PPP2R2B: variants seen among roughly 807,000 people sequenced by gnomAD.
PPP2R2B encodes protein phosphatase 2 regulatory subunit Bbeta.
PPP2R2B carries 5 observed loss-of-function variants against 46.0 expected under a neutral mutation model. The ratio of observed to expected loss-of-function variants is 0.11; its 90% CI spans 0.06 to 0.23. PPP2R2B has a LOEUF of 0.23. PPP2R2B is among the 10% of genes least tolerant of loss of function. The pLI is 1.00. For missense variants in PPP2R2B, 367 were observed against 575.0 expected (o/e 0.64, Z 3.70); for synonymous variants, 215 against 206.7 (o/e 1.04, Z -0.34).
chr5:146,589,777 T>G lies in PPP2R2B; in HGVS notation c.*170A>C. On this transcript the variant is annotated 3_prime_UTR_variant, in exon 10 of 10. Transcript: ENST00000394411. ...CCAAACCTATTGGGTTTGACAAAAG[T>G]TTCTTAGAACTGGGGAGCTGGGAAT... is the stretch of plus-strand genomic sequence containing the variant. 1 of 717,366 alleles carries G rather than the reference T, an allele frequency of 1.4e-6. No individual in the cohort carries two copies. The highest frequency in any genetic ancestry group is 2.3e-6 in the Non-Finnish European group (1 of 443,332). 44.4% of individuals were successfully genotyped at this position (717,366 alleles called of 1,614,324 possible). A position where few individuals can be genotyped will look rare whatever the true frequency, so the allele number is the denominator to read the frequency against.
At chr5:147,062,989 AGGGAGGG>A (rs778773184) in intron 2 of PPP2R2B, among the ~76,000 whole-genome samples, 1,958 of 65,158 alleles carry the variant, frequency 0.03, 146 homozygotes, top group Admixed American at 0.05. Flanking sequence ...GGAGGGAGGG[AGGGAGGG>A]AGGGGGGAAG....
chr5:146,772,409 T>C lies in PPP2R2B; in HGVS notation c.71-71267A>G, dbSNP rs1317430162. Among the ~76,000 whole-genome samples, 3 of 16,448 alleles carry C rather than the reference T, an allele frequency of 1.8e-4. No individual in the cohort carries two copies. In the Admixed American group the frequency reaches 2.9e-3, roughly 16 times the overall value. The allele number at this position is 16,448 out of a possible 152,430, so 10.8% of individuals were successfully genotyped here. ...ATATATATATATATATATATATATA[T>C]ATATATATATATATATATATATACT... On this transcript the variant is annotated intron_variant, in intron 2 of 9. Coordinates refer to ENST00000394411, the MANE Select transcript of PPP2R2B (RefSeq NM_181675.4).
intron 5 of PPP2R2B, among the ~76,000 whole-genome samples, chr5:146,672,593 A>T (rs463559): frequency 0.77 from 116,432 of 152,096 alleles, 45,992 homozygotes; most frequent in Non-Finnish European, 0.86. Flanking sequence ...ATCTATCCCA[A>T]CACAGAAAAC....
chr5:146,737,782 ATGT>A (rs913926325), intron 2 of PPP2R2B, among the ~76,000 whole-genome samples: 2 of 151,162 alleles, frequency 1.3e-5, no homozygotes, highest in Non-Finnish European at 2.9e-5. Flanking sequence ...GGTTTAACAA[ATGT>A]TGTTGGAGGC....
chr5:146,645,635 C>T (rs1013377714), intron 6 of PPP2R2B, among the ~76,000 whole-genome samples: 3 of 152,126 alleles, frequency 2.0e-5, no homozygotes, highest in African/African-American at 7.2e-5. Context: ...GCTACCTGGT[C>T]CCTTAATTAG....
chr5:146,715,922 A>G (rs1178698435), intron 2 of PPP2R2B, among the ~76,000 whole-genome samples: 1 of 151,988 alleles, frequency 6.6e-6, no homozygotes, highest in Non-Finnish European at 1.5e-5. Context: ...CTTTTCCATC[A>G]TTGTCACACA....
chr5:146,775,814 G>A (rs1243768599), intron 2 of PPP2R2B, among the ~76,000 whole-genome samples: 1 of 152,026 alleles, frequency 6.6e-6, no homozygotes, highest in African/African-American at 2.4e-5. Context: ...AACAAAAGAA[G>A]TTGTATTTTT....
chr5:147,010,269 G>A (rs933791788), intron 1 of PPP2R2B, among the ~76,000 whole-genome samples: 1 of 152,178 alleles, frequency 6.6e-6, no homozygotes, highest in South Asian at 2.1e-4. Flanking sequence ...CCAGGGGCCG[G>A]TTTTGTGGAA....
intron 7 of PPP2R2B, 140 bp from the exon 8 acceptor site, chr5:146,600,600 G>A: frequency 1.3e-6 from 1 of 791,146 alleles, no homozygotes; most frequent in Non-Finnish European, 2.0e-6. Context: ...GTTGCTAATA[G>A]AGAACTGTCA....
At chr5:147,043,062 T>C (rs942053714) in intron 1 of PPP2R2B, among the ~76,000 whole-genome samples, 30 of 152,098 alleles carry the variant, frequency 2.0e-4, no homozygotes, top group African/African-American at 6.3e-4. Context: ...ACAGTCTGGA[T>C]TGTGGAACAA....
intron 2 of PPP2R2B, among the ~76,000 whole-genome samples, chr5:146,806,274 A>G (rs1172870834): frequency 3.3e-5 from 5 of 152,234 alleles, no homozygotes; most frequent in African/African-American, 1.2e-4. Flanking sequence ...GTTTTAAGAA[A>G]CTGTGCATCT....
intron 2 of PPP2R2B, among the ~76,000 whole-genome samples, chr5:146,845,745 T>G (rs574052249): frequency 6.6e-6 from 1 of 152,304 alleles, no homozygotes; most frequent in South Asian, 2.1e-4. Flanking sequence ...AAATAGGCAA[T>G]TTGAGTATGT....
chr5:146,749,168 T>A (rs1200440411), intron 2 of PPP2R2B, among the ~76,000 whole-genome samples: 1 of 152,246 alleles, frequency 6.6e-6, no homozygotes, highest in Non-Finnish European at 1.5e-5. Flanking sequence ...GTGTTAAACA[T>A]CATTTGCTGT....
At chr5:146,689,161 C>T (rs1778680457) in intron 5 of PPP2R2B, among the ~76,000 whole-genome samples, 1 of 152,108 alleles carries the variant, frequency 6.6e-6, no homozygotes, top group Non-Finnish European at 1.5e-5. Flanking sequence ...GAACTAACAT[C>T]ATTGAGTGCT....
intron 2 of PPP2R2B, among the ~76,000 whole-genome samples, chr5:147,078,515 C>T (rs111901083): frequency 5.2e-4 from 79 of 152,178 alleles, no homozygotes; most frequent in Middle Eastern, 3.4e-3. Context: ...TGGCCAGGCG[C>T]GGTGGCTCAC....
At chr5:146,669,650 C>G (rs1777216941) in intron 5 of PPP2R2B, among the ~76,000 whole-genome samples, 1 of 152,102 alleles carries the variant, frequency 6.6e-6, no homozygotes, top group Non-Finnish European at 1.5e-5. Context: ...ACTTTAATGA[C>G]CCTTTAAAAA....
rs146878580 is a variant in PPP2R2B, at chr5:147,049,100, ATG to A, written c.79+6563_79+6564del. 1.3e-3 allele frequency among the ~76,000 whole-genome samples: 156 copies of A among 116,022 alleles called. 1 individual carries two copies. The highest frequency in any genetic ancestry group is 5.4e-3 in the Middle Eastern group (1 of 184). 76.1% of individuals were successfully genotyped at this position (116,022 alleles called of 152,430 possible). Reference sequence around the variant, plus strand: ...CGATCTTGAGAGAAAGGGAATGAGCATGTGTGTGTGTGTGTGTGTGTGTGAGA... The same window carrying A: ...CGATCTTGAGAGAAAGGGAATGAGCATGTGTGTGTGTGTGTGTGTGTGAGA... On this transcript the variant is annotated intron_variant, in intron 1 of 8. Coordinates refer to the PPP2R2B transcript ENST00000336640.
At chr5:147,016,189 T>C (rs933708588) in intron 1 of PPP2R2B, among the ~76,000 whole-genome samples, 1 of 151,424 alleles carries the variant, frequency 6.6e-6, no homozygotes, top group Non-Finnish European at 1.5e-5. Flanking sequence ...TTTTAGAAGT[T>C]AGCTGGGTGG....
At chr5:146,942,720 T>G (rs1764359732) in intron 1 of PPP2R2B, among the ~76,000 whole-genome samples, 1 of 152,178 alleles carries the variant, frequency 6.6e-6, no homozygotes, top group Non-Finnish European at 1.5e-5. Flanking sequence ...AACTTTAAAT[T>G]TATGAATATT....
Sources: allele counts gnomAD v4.1 joint callset (sites outside exome capture counted in the v4.1 genomes callset), GRCh38; gene constraint gnomAD v4.1.1; transcripts MANE v1.5; gene names NCBI Gene and HGNC (gene_info 2026-07-23, HGNC 2026-07-21).